Variants in CORO2B observed in about 807,000 individuals in gnomAD.
The protein encoded by CORO2B is coronin 2B, also known as coronin-2B.
A neutral mutation model predicts 58.8 loss-of-function variants in CORO2B; 26 were observed. The ratio of observed to expected loss-of-function variants is 0.44; its 90% confidence interval spans 0.32 to 0.61. The LOEUF (loss-of-function observed/expected upper bound fraction) is 0.61. CORO2B is among the 20% of genes least tolerant of loss of function. CORO2B has a pLI of 0.04. For synonymous variants in CORO2B, 242 were observed against 253.8 expected, an observed-to-expected ratio of 0.95 and a Z score of 0.44; for missense variants, 460 against 645.1, an observed-to-expected ratio of 0.71 and a Z score of 3.11.
rs10548187 is a variant in CORO2B at position 68,700,803 on chromosome 15, GGAGAGA to G, written c.333+5555_333+5560del. ...CCCTTCTCCTGGGGCCAGCAGCCGC[GGAGAGA>G]GAGAGAGGTTTCTGTCATCTTAAGG... On this transcript the variant is annotated intron_variant, in intron 3 of 11. Coordinates refer to ENST00000261861, the MANE Select transcript of CORO2B (RefSeq NM_006091.5). Among the ~76,000 whole-genome samples, 3 of 151,858 alleles carry G rather than the reference GGAGAGA, an allele frequency of 2.0e-5. No homozygotes were observed. The South Asian group carries it at 6.2e-4, about 31-fold the overall frequency.
chr15:68,723,480 A>T (rs1348196268), intron 11 of CORO2B, among the ~76,000 whole-genome samples: 1 of 150,642 alleles, frequency 6.6e-6, no homozygotes, highest in African/African-American at 2.4e-5. Context: ...TTTGAGATGG[A>T]GTCTCACTTT....
At chr15:68,644,989 G>A (rs1038948186) in intron 1 of CORO2B, among the ~76,000 whole-genome samples, 171 bp from the exon 2 acceptor site, 3 of 152,172 alleles carry the variant, frequency 2.0e-5, no homozygotes, top group Admixed American at 1.3e-4. Flanking sequence ...GCATATGAGT[G>A]TGCCCTGAAT....
the CORO2B span, among the ~76,000 whole-genome samples, chr15:68,555,642 C>A: frequency 1.3e-5 from 2 of 152,222 alleles, no homozygotes; most frequent in East Asian, 3.8e-4. Context: ...AGGAGATTTC[C>A]GTTTCTGCAT....
At chr15:68,520,001 T>G in the CORO2B span, among the ~76,000 whole-genome samples, 1 of 152,258 alleles carries the variant, frequency 6.6e-6, no homozygotes, top group African/African-American at 2.4e-5. Flanking sequence ...CAAACTATTT[T>G]CTCATTTCTG....
chr15:68,545,067 C>T, the CORO2B span, among the ~76,000 whole-genome samples: 3 of 152,300 alleles, frequency 2.0e-5, no homozygotes, highest in African/African-American at 7.2e-5. Flanking sequence ...AGCCACCACG[C>T]CCGGCCTGCA....
chr15:68,622,397 G>A (rs1351568183), intron 1 of CORO2B, among the ~76,000 whole-genome samples: 2 of 152,158 alleles, frequency 1.3e-5, no homozygotes, highest in Non-Finnish European at 2.9e-5. Context: ...AAGGCCATGG[G>A]GATTTGGTAT....
At chr15:68,593,454 A>G (rs1246575328) in intron 1 of CORO2B, among the ~76,000 whole-genome samples, 1 of 152,218 alleles carries the variant, frequency 6.6e-6, no homozygotes, top group Non-Finnish European at 1.5e-5. Context: ...CTGAGCTTCC[A>G]TTCTCTAGCA....
intron 11 of CORO2B, among the ~76,000 whole-genome samples, chr15:68,719,877 G>A (rs1893120787): frequency 6.6e-6 from 1 of 152,226 alleles, no homozygotes; most frequent in South Asian, 2.1e-4. Flanking sequence ...ACAGGGGCAA[G>A]CCCGGCCTCG....
chr15:68,702,368 G>A (rs2140319431), intron 3 of CORO2B, among the ~76,000 whole-genome samples: 2 of 152,138 alleles, frequency 1.3e-5, no homozygotes, highest in South Asian at 4.2e-4. Context: ...GCATCCTCTA[G>A]CAACCCCCTC....
Position 68,589,199 on chromosome 15 carries a change from A to G in CORO2B, c.15+9922A>G, listed in dbSNP as rs575294034. Among the ~76,000 whole-genome samples the G allele has an allele frequency of 7.9e-5, 12 of 152,306 alleles. No homozygotes were observed. The South Asian group carries it at 2.3e-3, about 29-fold the overall frequency. On this transcript the variant is annotated intron_variant, in intron 1 of 11. Coordinates refer to ENST00000261861, the MANE Select transcript of CORO2B (RefSeq NM_006091.5). ...TCCTGTAGCATGTGATCCCTGGTAT[A>G]CCAGCCAGCAGGTAAAGGCCTAATG...
the CORO2B span, among the ~76,000 whole-genome samples, chr15:68,522,495 G>C: frequency 6.6e-6 from 1 of 151,920 alleles, no homozygotes; most frequent in East Asian, 1.9e-4. Context: ...TGTCATCCAG[G>C]CTGGAGTGCA....
chr15:68,536,096 T>G, the CORO2B span, among the ~76,000 whole-genome samples: 3 of 152,244 alleles, frequency 2.0e-5, no homozygotes, highest in East Asian at 3.8e-4. Flanking sequence ...AAAATATGTT[T>G]GATTCCAGGA....
At chr15:68,539,460 C>T in the CORO2B span, among the ~76,000 whole-genome samples, 2 of 152,106 alleles carry the variant, frequency 1.3e-5, no homozygotes, top group Non-Finnish European at 1.5e-5. Flanking sequence ...ATCACTTTAG[C>T]TCAGGAGCTC....
chr15:68,560,259 CT>C, the CORO2B span, among the ~76,000 whole-genome samples: 1 of 151,690 alleles, frequency 6.6e-6, no homozygotes, highest in East Asian at 1.9e-4. Flanking sequence ...TTTCTTTTTT[CT>C]TTTTCGTTCT....
At chr15:68,521,048 CAA>C in the CORO2B span, among the ~76,000 whole-genome samples, 20 of 141,774 alleles carry the variant, frequency 1.4e-4, no homozygotes, top group South Asian at 1.6e-3. Context: ...GGCTCCATCT[CAA>C]AAAAAAAAAA....
chr15:68,629,282 T>A lies in CORO2B; in HGVS notation c.16-15878T>A, dbSNP rs201107438. 5.3e-5 allele frequency among the ~76,000 whole-genome samples: 8 copies of A among 152,354 alleles called. No individual in the cohort carries two copies. The South Asian group carries it at 1.5e-3, about 28-fold the overall frequency. On this transcript the variant is annotated intron_variant, in intron 1 of 11. Coordinates refer to ENST00000261861, the MANE Select transcript of CORO2B (RefSeq NM_006091.5). ...TCCATTGCAGGTCTGCTGTGTGTGG[T>A]TGTCAGAGTTGTGCCCTGCACAAAG...
At chr15:68,565,778 C>T in the CORO2B span, among the ~76,000 whole-genome samples, 1 of 152,304 alleles carries the variant, frequency 6.6e-6, no homozygotes, top group South Asian at 2.1e-4. Flanking sequence ...CTTTCTGGAG[C>T]CTTCTGTTCT....
At chr15:68,558,984 CTG>C in the CORO2B span, among the ~76,000 whole-genome samples, 1 of 152,216 alleles carries the variant, frequency 6.6e-6, no homozygotes, top group Non-Finnish European at 1.5e-5. Flanking sequence ...ATGAGCGTGT[CTG>C]TCTTTCCCTA....
chr15:68,545,137 G>T, the CORO2B span, among the ~76,000 whole-genome samples: 4 of 152,162 alleles, frequency 2.6e-5, no homozygotes, highest in African/African-American at 7.2e-5. Context: ...CCACATGAAG[G>T]CTGCAGGGCA....
Sources: allele counts gnomAD v4.1 joint callset (sites outside exome capture counted in the v4.1 genomes callset), GRCh38; gene constraint gnomAD v4.1.1; transcripts MANE v1.5; gene names NCBI Gene and HGNC (gene_info 2026-07-23, HGNC 2026-07-21).